The following KCNIP4 variants were observed in gnomAD, a reference collection of about 807,000 sequenced individuals.
The protein encoded by KCNIP4 is potassium voltage-gated channel interacting protein 4.
KCNIP4 carries 12 observed loss-of-function variants against 34.0 expected under a neutral mutation model. The ratio of observed to expected loss-of-function variants is 0.35; its 90% CI spans 0.23 to 0.57. KCNIP4 has a LOEUF of 0.57. Ranked by LOEUF, KCNIP4 falls within the 20% of genes least tolerant of loss-of-function variation. The probability of loss-of-function intolerance (pLI) is 0.83; values close to 1 mark genes in which losing one functional copy is unlikely to be tolerated. For missense variants in KCNIP4, 238 were observed against 311.7 expected, an observed-to-expected ratio of 0.76 and a Z score of 1.78; for synonymous variants, 124 against 102.2, an observed-to-expected ratio of 1.21 and a Z score of -1.29.
intron 1 of KCNIP4, among the ~76,000 whole-genome samples, chr4:21,572,408 C>T (rs1466475162): frequency 2.0e-5 from 3 of 152,062 alleles, no homozygotes; most frequent in Non-Finnish European, 2.9e-5. Flanking sequence ...AACACAAACC[C>T]AGGATGTGTC....
chr4:20,979,438 G>T (rs551831572), intron 1 of KCNIP4, among the ~76,000 whole-genome samples: 4 of 139,758 alleles, frequency 2.9e-5, no homozygotes, highest in Admixed American at 2.3e-4. Context: ...TCACTCTGTC[G>T]CCCAGGCTGG....
intron 1 of KCNIP4, among the ~76,000 whole-genome samples, chr4:20,991,193 T>C (rs940295679): frequency 3.9e-5 from 6 of 152,142 alleles, no homozygotes; most frequent in African/African-American, 9.7e-5. Flanking sequence ...TTTTGTTTTG[T>C]TTTATTTTAT....
intron 1 of KCNIP4, among the ~76,000 whole-genome samples, chr4:21,732,027 A>AAT (rs1279043215): frequency 3.3e-5 from 5 of 150,536 alleles, no homozygotes; most frequent in African/African-American, 4.9e-5. Flanking sequence ...TATATATAAA[A>AAT]ATATATATAT....
rs187420865 is a variant in KCNIP4, at chr4:20,974,998, A to G, written c.62-92289T>C. On this transcript the variant is annotated intron_variant, in intron 1 of 8. Coordinates refer to ENST00000382152, the MANE Select transcript of KCNIP4 (RefSeq NM_025221.6). ...TGTGCTAAGGAGAATTTTAACAAGT[A>G]TCATTTCATTTAAATTTCAAAATAA... Among the ~76,000 whole-genome samples, 53 of 152,358 alleles carry G rather than the reference A, an allele frequency of 3.5e-4. 1 individual carries two copies. The highest frequency in any genetic ancestry group is 4.6e-4 in the Admixed American group (7 of 15,306).
chr4:21,839,700 A>T lies in KCNIP4; in HGVS notation c.61+108871T>A, dbSNP rs187144082. 4.0e-3 allele frequency among the ~76,000 whole-genome samples: 612 copies of T among 152,316 alleles called. 4 individuals are homozygous for T. The highest frequency in any genetic ancestry group is 0.014 in the African/African-American group (583 of 41,570). ...CCTGGGAGGTGGAGGAGGTTGGGTGAGCTGAGATCGCACCACTGCACTCCT... is the reference window on the plus strand; with the variant it reads ...CCTGGGAGGTGGAGGAGGTTGGGTGTGCTGAGATCGCACCACTGCACTCCT... On this transcript the variant is annotated intron_variant, in intron 1 of 8. Transcript: ENST00000382152.
chr4:21,326,385 G>C (rs1715050267), intron 1 of KCNIP4, among the ~76,000 whole-genome samples: 1 of 150,676 alleles, frequency 6.6e-6, no homozygotes, highest in Non-Finnish European at 1.5e-5. Flanking sequence ...TATAGTTTTT[G>C]TCTTGAAATC....
intron 1 of KCNIP4, among the ~76,000 whole-genome samples, chr4:21,781,879 C>T (rs2109214323): frequency 6.6e-6 from 1 of 151,948 alleles, no homozygotes; most frequent in Non-Finnish European, 1.5e-5. Flanking sequence ...GTGTTGACAC[C>T]AGTAAACTTT....
intron 1 of KCNIP4, among the ~76,000 whole-genome samples, chr4:21,794,279 A>C (rs1013743464): frequency 6.6e-6 from 1 of 152,254 alleles, no homozygotes; most frequent in African/African-American, 2.4e-5. Context: ...TAATTTAAAA[A>C]AAAAGAAAAG....
chr4:21,631,730 T>C (rs936363154), intron 1 of KCNIP4, among the ~76,000 whole-genome samples: 5 of 152,202 alleles, frequency 3.3e-5, no homozygotes, highest in African/African-American at 1.2e-4. Context: ...CTCAATGGCA[T>C]CTATGCTTTA....
intron 1 of KCNIP4, among the ~76,000 whole-genome samples, chr4:21,713,753 C>T (rs1056493845): frequency 6.6e-6 from 1 of 152,178 alleles, no homozygotes; most frequent in African/African-American, 2.4e-5. Context: ...TTCCTACATG[C>T]CCTGCCCACA....
intron 1 of KCNIP4, among the ~76,000 whole-genome samples, chr4:21,928,026 T>C (rs1268709545): frequency 6.6e-6 from 1 of 151,852 alleles, no homozygotes; most frequent in Non-Finnish European, 1.5e-5. Context: ...ATAATAATCA[T>C]AGCAAAAATA....
In KCNIP4 at chr4:21,728,103, T is replaced by G. The variant is rs374369397; in HGVS notation, c.61+220468A>C. On this transcript the variant is annotated intron_variant, in intron 1 of 8. Transcript: ENST00000382152. ...CCATCTACACCTGCTTTCCAGGTAATTCCATCTCAGTAAACAATGACAATT... is the reference window on the plus strand; with the variant it reads ...CCATCTACACCTGCTTTCCAGGTAAGTCCATCTCAGTAAACAATGACAATT... Among the ~76,000 whole-genome samples, 6 of 152,196 alleles carry G rather than the reference T, an allele frequency of 3.9e-5. No individual in the cohort carries two copies. The East Asian group carries it at 1.2e-3, about 30-fold the overall frequency.
chr4:21,121,194 T>C (rs970295781), intron 1 of KCNIP4, among the ~76,000 whole-genome samples: 2 of 152,150 alleles, frequency 1.3e-5, no homozygotes, highest in African/African-American at 4.8e-5. Flanking sequence ...CCCAGGTGAC[T>C]CCTACATGAA....
intron 1 of KCNIP4, among the ~76,000 whole-genome samples, chr4:21,633,186 A>C (rs1312116034): frequency 6.6e-6 from 1 of 152,186 alleles, no homozygotes; most frequent in Non-Finnish European, 1.5e-5. Flanking sequence ...ATTAACAGCT[A>C]TGTAAGGCAT....
intron 1 of KCNIP4, among the ~76,000 whole-genome samples, chr4:21,427,791 A>G (rs543244367): frequency 6.6e-6 from 1 of 152,328 alleles, no homozygotes; most frequent in Non-Finnish European, 1.5e-5. Flanking sequence ...TTCGAGGAAG[A>G]GTTAGCCGTC....
At chr4:20,916,935 C>A (rs1209358968) in intron 1 of KCNIP4, among the ~76,000 whole-genome samples, 1 of 141,418 alleles carries the variant, frequency 7.1e-6, no homozygotes, top group Non-Finnish European at 1.5e-5. Flanking sequence ...TGTCCTTTCC[C>A]TTTCATATTT....
intron 1 of KCNIP4, among the ~76,000 whole-genome samples, chr4:21,343,274 G>A (rs1246896932): frequency 6.6e-6 from 1 of 151,944 alleles, no homozygotes; most frequent in African/African-American, 2.4e-5. Flanking sequence ...GGTCACAAAT[G>A]CACTGAAAGT....
chr4:21,677,355 A>G (rs917483381), intron 1 of KCNIP4, among the ~76,000 whole-genome samples: 1 of 152,238 alleles, frequency 6.6e-6, no homozygotes, highest in African/African-American at 2.4e-5. Context: ...AAGTTGTTTG[A>G]AAACTGCTAT....
chr4:21,819,271 C>T (rs1393774195), intron 1 of KCNIP4, among the ~76,000 whole-genome samples: 3 of 152,338 alleles, frequency 2.0e-5, no homozygotes, highest in East Asian at 1.9e-4. Flanking sequence ...TGCAGCCATG[C>T]TGGCCTTCTT....
Sources: allele counts gnomAD v4.1 joint callset (sites outside exome capture counted in the v4.1 genomes callset), GRCh38; gene constraint gnomAD v4.1.1; transcripts MANE v1.5; gene names NCBI Gene and HGNC (gene_info 2026-07-23, HGNC 2026-07-21).